Variants in TMEM132D observed in about 807,000 individuals in gnomAD.
TMEM132D encodes the protein mature OL transmembrane protein.
In TMEM132D, 21 loss-of-function variants were observed where a neutral mutation model predicts 62.3. The observed-to-expected ratio is 0.34, with a 90% CI of 0.24 to 0.49. The LOEUF (loss-of-function observed/expected upper bound fraction) is 0.49, where lower values mean the gene tolerates loss of function less well. Among genes scored for constraint, TMEM132D ranks in the 20% least tolerant of loss-of-function variants. The pLI is 0.99. For missense variants in TMEM132D, 1,346 were observed against 1,402.8 expected (o/e 0.96, Z 0.65); for synonymous variants, 621 against 575.6 (o/e 1.08, Z -1.13).
chr12:129,291,142 T>C (rs965162253), intron 4 of TMEM132D, among the ~76,000 whole-genome samples: 1 of 152,168 alleles, frequency 6.6e-6, no homozygotes, highest in Non-Finnish European at 1.5e-5. Flanking sequence ...AACTATAAAC[T>C]CCCCATCAGT....
intron 2 of TMEM132D, among the ~76,000 whole-genome samples, chr12:129,691,246 A>G (rs988367769): frequency 6.6e-6 from 1 of 151,980 alleles, no homozygotes; most frequent in African/African-American, 2.4e-5. Context: ...AAAATCAATA[A>G]CCTAATCTAA....
chr12:129,763,854 C>T (rs984456886), intron 1 of TMEM132D, among the ~76,000 whole-genome samples: 11 of 152,192 alleles, frequency 7.2e-5, no homozygotes, highest in African/African-American at 2.6e-4. Context: ...GCAGGTGGAA[C>T]GTAAGTGCTC....
At chr12:129,705,382 T>C (rs1236375706) in intron 1 of TMEM132D, among the ~76,000 whole-genome samples, 1 of 152,184 alleles carries the variant, frequency 6.6e-6, no homozygotes, top group Non-Finnish European at 1.5e-5. Context: ...AGTAATTCTA[T>C]AAGCATTTAG....
intron 3 of TMEM132D, among the ~76,000 whole-genome samples, chr12:129,363,281 C>A (rs1870308139): frequency 6.6e-6 from 1 of 152,196 alleles, no homozygotes; most frequent in Admixed American, 6.5e-5. Flanking sequence ...CACCTGACAG[C>A]TAAATTGCAT....
intron 2 of TMEM132D, among the ~76,000 whole-genome samples, chr12:129,557,635 G>A (rs1006177928): frequency 2.0e-5 from 3 of 152,186 alleles, no homozygotes; most frequent in African/African-American, 7.2e-5. Flanking sequence ...AGGACTGCCT[G>A]AGCCTTGGAG....
chr12:129,261,208 T>C (rs1356101569), intron 4 of TMEM132D, among the ~76,000 whole-genome samples: 3 of 152,144 alleles, frequency 2.0e-5, no homozygotes, highest in African/African-American at 7.2e-5. Flanking sequence ...ACAAATACCA[T>C]AGATTGTGAT....
intron 3 of TMEM132D, among the ~76,000 whole-genome samples, chr12:129,402,729 T>C (rs1871659143): frequency 6.6e-6 from 1 of 152,102 alleles, no homozygotes; most frequent in Admixed American, 6.5e-5. Context: ...GTAGAGAAAT[T>C]CTTTCTTTCT....
At chr12:129,675,712 G>A (rs909539736) in intron 2 of TMEM132D, among the ~76,000 whole-genome samples, 1 of 152,108 alleles carries the variant, frequency 6.6e-6, no homozygotes, top group South Asian at 2.1e-4. Context: ...AGGACTCAAG[G>A]GGGAGAAAGT....
At chr12:129,832,234 A>G (rs1872866474) in intron 1 of TMEM132D, among the ~76,000 whole-genome samples, 1 of 151,236 alleles carries the variant, frequency 6.6e-6, no homozygotes, top group Admixed American at 6.6e-5. Flanking sequence ...GGAGGAAGAG[A>G]TATAGAATAA....
At chr12:129,280,064 T>A (rs1469109640) in intron 4 of TMEM132D, among the ~76,000 whole-genome samples, 1 of 152,198 alleles carries the variant, frequency 6.6e-6, no homozygotes, top group African/African-American at 2.4e-5. Context: ...GGAGGGTAAT[T>A]GAATCACTCA....
At chr12:129,326,532 A>G (rs1353650056) in intron 4 of TMEM132D, among the ~76,000 whole-genome samples, 1 of 152,242 alleles carries the variant, frequency 6.6e-6, no homozygotes, top group Non-Finnish European at 1.5e-5. Flanking sequence ...ACAAAGTTTC[A>G]GCTTTTTATT....
intron 2 of TMEM132D, among the ~76,000 whole-genome samples, chr12:129,591,034 A>G (rs1361720109): frequency 6.6e-6 from 1 of 152,226 alleles, no homozygotes; most frequent in Non-Finnish European, 1.5e-5. Context: ...GAAAAAGAAT[A>G]TTGAAGACAT....
rs149201706 is a variant in TMEM132D at position 129,074,007 on chromosome 12, G to A, written c.3168C>T (p.Asp1056=). Residue 1056 remains aspartate (D), a synonymous_variant, in exon 9 of 9, where the codon GAC becomes GAT. Coordinates refer to ENST00000422113, the MANE Select transcript of TMEM132D (RefSeq NM_133448.3). ...KFTTFTAVSS[D]DEYPTRNSIV... Reference sequence around the variant, plus strand: ...TGGAGTTCCTGGTGGGGTACTCGTCGTCTGAGGAGACGGCGGTGAAGGTGG... The same window carrying A: ...TGGAGTTCCTGGTGGGGTACTCGTCATCTGAGGAGACGGCGGTGAAGGTGG... The A allele has an allele frequency of 9.3e-5, 150 of 1,614,048 alleles. No individual in the cohort carries two copies. Among genetic ancestry groups the A allele is most frequent in the Middle Eastern group, 1.7e-4 (1 of 6,060 alleles).
chr12:129,146,299 C>T (rs1440243198), intron 5 of TMEM132D, among the ~76,000 whole-genome samples: 1 of 152,104 alleles, frequency 6.6e-6, no homozygotes, highest in Non-Finnish European at 1.5e-5. Flanking sequence ...ATTCTACCTG[C>T]TAGATATCTT....
chr12:129,513,244 T>G (rs1875546861), intron 3 of TMEM132D, among the ~76,000 whole-genome samples: 2 of 151,962 alleles, frequency 1.3e-5, no homozygotes, highest in Admixed American at 1.3e-4. Context: ...TTGACAGGCT[T>G]TGTAACAACC....
chr12:129,108,739 C>T (rs1379722245), intron 5 of TMEM132D, among the ~76,000 whole-genome samples: 1 of 152,232 alleles, frequency 6.6e-6, no homozygotes, highest in Non-Finnish European at 1.5e-5. Context: ...GCCATACCCA[C>T]ACATCGTCTT....
intron 2 of TMEM132D, among the ~76,000 whole-genome samples, chr12:129,653,148 G>A (rs1879975469): frequency 6.6e-6 from 1 of 152,206 alleles, no homozygotes; most frequent in Non-Finnish European, 1.5e-5. Flanking sequence ...TGGAGGTCAT[G>A]AGGTGCAGAG....
At chr12:129,261,170 T>A (rs1228583711) in intron 4 of TMEM132D, among the ~76,000 whole-genome samples, 1 of 152,118 alleles carries the variant, frequency 6.6e-6, no homozygotes, top group African/African-American at 2.4e-5. Context: ...TTAAAAGGGC[T>A]GTTTATTAGT....
At chr12:129,836,266 A>G (rs1427834244) in intron 1 of TMEM132D, among the ~76,000 whole-genome samples, 1 of 152,016 alleles carries the variant, frequency 6.6e-6, no homozygotes, top group Non-Finnish European at 1.5e-5. Flanking sequence ...TCCAACTACC[A>G]TTTCACATCT....
Sources: gnomAD v4.1 joint callset for allele counts (sites outside exome capture counted in the v4.1 genomes callset) on GRCh38, gnomAD v4.1.1 for gene constraint, MANE v1.5 for transcripts, NCBI Gene and HGNC (gene_info 2026-07-23, HGNC 2026-07-21) for gene names.